Variants in FAM161A observed in about 807,000 individuals in gnomAD.
FAM161A encodes the protein protein FAM161A.
FAM161A carries 57 observed loss-of-function variants against 70.9 expected under a neutral mutation model. The observed-to-expected ratio is 0.80, with a 90% CI of 0.65 to 1.00. The LOEUF (loss-of-function observed/expected upper bound fraction) is 1.00, where lower values mean the gene tolerates loss of function less well. Ranked by LOEUF, FAM161A falls within the 50% of genes least tolerant of loss-of-function variation. The pLI is 0.00. For synonymous variants in FAM161A, 299 were observed against 295.7 expected (o/e 1.01, Z -0.12); for missense variants, 880 against 836.0 (o/e 1.05, Z -0.65).
chr2:61,827,646 TG>T (rs1672425050), intron 5 of FAM161A, among the ~76,000 whole-genome samples: 2 of 149,286 alleles, frequency 1.3e-5, no homozygotes, highest in South Asian at 4.2e-4. Flanking sequence ...TTAAAAGTAC[TG>T]GTGATAATTA....
At chr2:61,844,401 T>A (rs1037865190) in intron 1 of FAM161A, among the ~76,000 whole-genome samples, 6 of 151,564 alleles carry the variant, frequency 4.0e-5, no homozygotes, top group Admixed American at 6.6e-5. Context: ...AGATTTTTTT[T>A]AAACTCTACC....
chr2:61,829,051 T>C (rs1398373237), intron 5 of FAM161A, among the ~76,000 whole-genome samples: 1 of 152,154 alleles, frequency 6.6e-6, no homozygotes. Context: ...AATGTACCAA[T>C]GGCATTCATA....
chr2:61,804,552 G>A, the FAM161A span, among the ~76,000 whole-genome samples: 2 of 151,864 alleles, frequency 1.3e-5, no homozygotes, highest in Non-Finnish European at 2.9e-5. Flanking sequence ...GAGCGTGCTG[G>A]TGTGCACCTG....
chr2:61,813,718 C>CAAAAAAA, the FAM161A span, among the ~76,000 whole-genome samples: 3 of 86,988 alleles, frequency 3.4e-5, no homozygotes, highest in Non-Finnish European at 4.6e-5. Context: ...GACCCTGTCT[C>CAAAAAAA]AAAAAAAAAA....
chr2:61,840,214 T>C lies in FAM161A; in HGVS notation c.790A>G (p.Met264Val). Residue 264 changes from methionine to valine, a missense_variant, in exon 3 of 7, where the codon ATG (methionine) becomes GTG (valine). Coordinates refer to ENST00000404929, the MANE Select transcript of FAM161A (RefSeq NM_001201543.2). Reference sequence around the variant, plus strand: ...TGTTTTTTGAGCGCTTTATGTACCATTTCGATATCTGATTTAGATTTCATG... The same window carrying C: ...TGTTTTTTGAGCGCTTTATGTACCACTTCGATATCTGATTTAGATTTCATG... ...ESMKSKSDIE[M>V]VHKALKKQEE... 6.2e-7 allele frequency: 1 copy of C among 1,613,882 alleles called. No individual in the cohort carries two copies. Among genetic ancestry groups the C allele is most frequent in the Non-Finnish European group, 8.5e-7 (1 of 1,179,974 alleles).
chr2:61,810,453 C>CTTTTTTTTTTTTT, the FAM161A span, among the ~76,000 whole-genome samples: 2 of 95,616 alleles, frequency 2.1e-5, no homozygotes, highest in Non-Finnish European at 2.0e-5. Context: ...CCAGCACTTC[C>CTTTTTTTTTTTTT]TTTTTTTTTT....
intron 1 of FAM161A, 67 bp from the exon 2 acceptor site, chr2:61,842,427 C>T (rs1673052547): frequency 1.0e-6 from 1 of 961,570 alleles, no homozygotes; most frequent in Admixed American, 2.2e-5. Flanking sequence ...TGACACTGAT[C>T]CAAAATGCTG....
At chr2:61,836,316 A>C (rs1430168881) in intron 4 of FAM161A, 7 of 520,170 alleles carry the variant, frequency 1.3e-5, no homozygotes, top group Non-Finnish European at 2.4e-5. Context: ...TGGAATGCAG[A>C]ATAAAATCCT....
rs74393401 is a variant in FAM161A, at chr2:61,846,688, C to T, written c.184-4328G>A. ...AAACCACACTTCTGCTTTGCCAGTG[C>T]TCCTCATCAGACTCTGCTAAAAGTG... On this transcript the variant is annotated intron_variant, in intron 1 of 6. Transcript: ENST00000404929. The T allele has an allele frequency of 7.0e-4, 187 of 266,682 alleles. 3 individuals carry two copies. In the East Asian group the frequency reaches 0.024, roughly 34 times the overall value. 16.5% of individuals were successfully genotyped at this position (266,682 alleles called of 1,614,324 possible).
chr2:61,810,545 G>A, the FAM161A span, among the ~76,000 whole-genome samples: 1 of 140,752 alleles, frequency 7.1e-6, no homozygotes, highest in Non-Finnish European at 1.5e-5. Context: ...AGCAACCTCT[G>A]CCTTCTGGGT....
chr2:61,853,849 C>T lies in FAM161A; in HGVS notation c.183+10G>A. On this transcript the variant is annotated intron_variant, in intron 1 of 6. Transcript: ENST00000404929. ...GCGAGGTCCCAGCCCAAGTCCCGCC[C>T]CAGTATTACCGATGCCCCAGCGGGC... 2 of 1,613,876 alleles carry T rather than the reference C, an allele frequency of 1.2e-6. No individual in the cohort carries two copies. Among genetic ancestry groups the T allele is most frequent in the East Asian group, 2.2e-5 (1 of 44,872 alleles).
At chr2:61,823,444 A>C (rs4672455), downstream of FAM161A, among the ~76,000 whole-genome samples, 26,761 of 141,754 alleles carry the variant, frequency 0.19, 2,844 homozygotes, top group Middle Eastern at 0.22. Context: ...GGCTCACTGC[A>C]GCCTCAACCA....
intron 1 of FAM161A, among the ~76,000 whole-genome samples, chr2:61,842,788 C>A (rs576252183): frequency 6.6e-6 from 1 of 152,178 alleles, no homozygotes; most frequent in East Asian, 1.9e-4. Flanking sequence ...CCTCCAGCTG[C>A]GCTCCTGCAG....
At chr2:61,821,566 C>T (rs917881927), downstream of FAM161A, among the ~76,000 whole-genome samples, 4 of 151,838 alleles carry the variant, frequency 2.6e-5, no homozygotes, top group African/African-American at 9.7e-5. Context: ...TTTATTCAGT[C>T]TATATTAGTT....
the FAM161A span, among the ~76,000 whole-genome samples, chr2:61,805,314 G>A: frequency 3.3e-5 from 5 of 152,128 alleles, no homozygotes; most frequent in Non-Finnish European, 7.3e-5. Flanking sequence ...TCAGGAGTTC[G>A]AGACGAGCCT....
intron 1 of FAM161A, among the ~76,000 whole-genome samples, chr2:61,850,885 G>GT (rs1185341373): frequency 6.6e-6 from 1 of 151,596 alleles, no homozygotes; most frequent in African/African-American, 2.4e-5. Flanking sequence ...TTCATTTTTT[G>GT]TTTTTTGAGA....
chr2:61,849,491 A>C (rs1179718347), intron 1 of FAM161A, among the ~76,000 whole-genome samples: 1 of 151,952 alleles, frequency 6.6e-6, no homozygotes, highest in Admixed American at 6.6e-5. Context: ...TAAAAATAAA[A>C]ATAAAAAAAT....
chr2:61,815,043 G>C, the FAM161A span, among the ~76,000 whole-genome samples: 1 of 152,168 alleles, frequency 6.6e-6, no homozygotes, highest in Non-Finnish European at 1.5e-5. Flanking sequence ...ATCTGTGGGT[G>C]TGCAGCTATT....
intron 1 of FAM161A, among the ~76,000 whole-genome samples, chr2:61,847,761 C>T (rs749416841): frequency 6.6e-6 from 1 of 152,030 alleles, no homozygotes; most frequent in Admixed American, 6.6e-5. Context: ...AACAGTGTGA[C>T]CCTGTCTCAA....
Sources: gnomAD v4.1 joint callset for allele counts (sites outside exome capture counted in the v4.1 genomes callset) on GRCh38, gnomAD v4.1.1 for gene constraint, MANE v1.5 for transcripts, NCBI Gene and HGNC (gene_info 2026-07-23, HGNC 2026-07-21) for gene names.